Variants in PDZD7 observed in about 807,000 individuals in gnomAD.
PDZD7 encodes the protein PDZ domain containing 7.
Under a neutral mutation model 84.7 loss-of-function variants are expected in PDZD7, and 72 were observed. That is an observed-to-expected ratio of 0.85 (90% CI 0.70 to 1.03). The LOEUF (loss-of-function observed/expected upper bound fraction) is 1.03. Ranked by LOEUF, PDZD7 falls within the 50% of genes least tolerant of loss-of-function variation. PDZD7 has a pLI of 0.00. For synonymous variants in PDZD7, 594 were observed against 580.7 expected (o/e 1.02, Z -0.33); for missense variants, 1,490 against 1,412.9 (o/e 1.05, Z -0.87).
At chr10:101,018,691 C>T (rs1332741821) in intron 8 of PDZD7, 131 bp downstream of exon 8, 1 of 1,232,408 alleles carries the variant, frequency 8.1e-7, no homozygotes, top group Non-Finnish European at 1.1e-6. Flanking sequence ...TCTGAGCAGC[C>T]TGGAGCTTGG....
intron 9 of PDZD7, 183 bp downstream of exon 9, chr10:101,017,916 A>G (rs546917721): frequency 2.3e-5 from 11 of 471,544 alleles, no homozygotes; most frequent in African/African-American, 4.3e-5. Flanking sequence ...AAGAAAGAAA[A>G]GAAAGAAAGA....
intron 7 of PDZD7, among the ~76,000 whole-genome samples, chr10:101,020,217 C>T (rs1260060393): frequency 1.3e-5 from 2 of 152,252 alleles, no homozygotes; most frequent in Admixed American, 6.5e-5. Context: ...AAGCAATTCT[C>T]CTGCCTCAGG....
intron 7 of PDZD7, among the ~76,000 whole-genome samples, chr10:101,020,179 C>T (rs993038073): frequency 1.3e-5 from 2 of 152,112 alleles, no homozygotes; most frequent in East Asian, 3.9e-4. Context: ...GGCATCTCTG[C>T]TCACTGCAAC....
At chr10:101,024,962 G>T (rs759744676) in intron 2 of PDZD7, among the ~76,000 whole-genome samples, 7 of 151,900 alleles carry the variant, frequency 4.6e-5, no homozygotes, top group Admixed American at 6.6e-5. Context: ...AGACAAGAAG[G>T]TTCAGGATTC....
At chr10:101,014,357 A>G (rs1388683035) in intron 11 of PDZD7, among the ~76,000 whole-genome samples, 1 of 151,868 alleles carries the variant, frequency 6.6e-6, no homozygotes, top group African/African-American at 2.4e-5. Context: ...GTGGTGGTTG[A>G]GCTCGGCAGG....
intron 10 of PDZD7, 139 bp downstream of exon 10, chr10:101,016,238 C>T: frequency 5.8e-6 from 5 of 864,436 alleles, no homozygotes; most frequent in Non-Finnish European, 9.4e-6. Context: ...GCCCCCAATA[C>T]ATACCATTCT....
chr10:101,016,055 C>T (rs550379917), intron 10 of PDZD7, among the ~76,000 whole-genome samples: 27 of 152,298 alleles, frequency 1.8e-4, no homozygotes, highest in African/African-American at 6.5e-4. Context: ...GCCCCCAGGG[C>T]CCCCTGAACA....
Position 101,009,340 on chromosome 10 carries a change from A to T in PDZD7, c.2628T>A (p.Ile876=), listed in dbSNP as rs1310854790. The T allele has an allele frequency of 6.5e-7, 1 of 1,535,894 alleles. No homozygotes were observed. Among genetic ancestry groups the T allele is most frequent in the South Asian group, 1.2e-5 (1 of 84,058 alleles). The change falls in exon 16 of 17, where the codon ATT becomes ATA. Residue 876 remains isoleucine (I), a synonymous_variant. Transcript: ENST00000619208. The part of the protein sequence containing the change: ...SKMKQSLGIS[I]SGGIESKVQP... Reference sequence around the variant, plus strand: ...GCACCTTGGACTCAATGCCCCCAGAAATGCTGATACCTAGTGACAGGGAGA... The same window carrying T: ...GCACCTTGGACTCAATGCCCCCAGATATGCTGATACCTAGTGACAGGGAGA...
At chr10:101,028,103 T>C (rs1937824910) in intron 2 of PDZD7, among the ~76,000 whole-genome samples, 1 of 152,180 alleles carries the variant, frequency 6.6e-6, no homozygotes, top group Non-Finnish European at 1.5e-5. Flanking sequence ...ACTTGGGAGA[T>C]ACCTGTTCTC....
intron 2 of PDZD7, among the ~76,000 whole-genome samples, chr10:101,028,932 AT>A (rs1434091523): frequency 1.3e-5 from 2 of 152,194 alleles, no homozygotes; most frequent in Non-Finnish European, 2.9e-5. Context: ...CCTGAGCAAC[AT>A]GCCCCACCCT....
intron 11 of PDZD7, 139 bp from the exon 12 acceptor site, chr10:101,012,397 C>G: frequency 1.4e-6 from 1 of 731,978 alleles, no homozygotes; most frequent in South Asian, 1.6e-5. Flanking sequence ...AGGTTCACTC[C>G]ACCCCCAGCT....
rs796863076 is a variant in PDZD7, at chr10:101,023,330, C to T, written c.542+106G>A. Reference sequence around the variant, plus strand: ...GGATCCCCTGCGTTTCCTGAGCCAGCGAGCAGGAGGAACAGAAGCCTCTCC... The same window carrying T: ...GGATCCCCTGCGTTTCCTGAGCCAGTGAGCAGGAGGAACAGAAGCCTCTCC... On this transcript the variant is annotated intron_variant, in intron 4 of 16. Transcript: ENST00000619208. The T allele has an allele frequency of 1.0e-4, 144 of 1,399,512 alleles. 1 individual carries two copies. The highest frequency in any genetic ancestry group is 7.2e-4 in the African/African-American group (51 of 70,352). 86.7% of individuals were successfully genotyped at this position (1,399,512 alleles called of 1,614,324 possible).
chr10:101,016,741 G>A lies in PDZD7; in HGVS notation c.1523-314C>T, dbSNP rs551327431. 2.6e-5 allele frequency among the ~76,000 whole-genome samples: 4 copies of A among 152,280 alleles called. No homozygotes were observed. In the South Asian group the frequency reaches 8.3e-4, roughly 32 times the overall value. On this transcript the variant is annotated intron_variant, in intron 9 of 16. Coordinates refer to ENST00000619208, the MANE Select transcript of PDZD7 (RefSeq NM_001195263.2). ...AGCTTGGAGAAGTACCTACCTTCAGGGGACAGAGGGAAAAAGAGGAGCCTT... is the reference window on the plus strand; with the variant it reads ...AGCTTGGAGAAGTACCTACCTTCAGAGGACAGAGGGAAAAAGAGGAGCCTT...
chr10:101,030,578 T>C (rs1938080253), intron 1 of PDZD7, 194 bp from the exon 2 acceptor site: 1 of 444,240 alleles, frequency 2.3e-6, no homozygotes, highest in African/African-American at 2.0e-5. Context: ...ACAAGGCAGG[T>C]GGGAACCTTT....
chr10:101,011,707 A>AGGTGACGCTTGGGTG lies in PDZD7; in HGVS notation c.1973_1987dup (p.Pro658_His662dup). 1 of 1,540,796 alleles carries AGGTGACGCTTGGGTG rather than the reference A, an allele frequency of 6.5e-7. No homozygotes were observed. Among genetic ancestry groups the AGGTGACGCTTGGGTG allele is most frequent in the Non-Finnish European group, 8.7e-7 (1 of 1,146,826 alleles). ...TGACTGACCAGGCACGGGGGTGATAAGGTGACGCTTGGGTGGCGTGTCCTG... is the reference window on the plus strand; with the variant it reads ...TGACTGACCAGGCACGGGGGTGATAAGGTGACGCTTGGGTGGGTGACGCTTGGGTGGCGTGTCCTG... On this transcript the variant is annotated inframe_insertion, in exon 14 of 17. Coordinates refer to ENST00000619208, the MANE Select transcript of PDZD7 (RefSeq NM_001195263.2).
rs372004783 is a variant in PDZD7, at chr10:101,023,439, G to A, written c.539C>T (p.Thr180Met). 2.3e-4 allele frequency: 375 copies of A among 1,613,962 alleles called. No individual in the cohort carries two copies. Among genetic ancestry groups the A allele is most frequent in the Non-Finnish European group, 3.0e-4 (354 of 1,180,026 alleles). The change falls in exon 4 of 17, where the codon ACG becomes ATG. Residue 180 changes from threonine (T) to methionine (M), a missense_variant. Coordinates refer to ENST00000619208, the MANE Select transcript of PDZD7 (RefSeq NM_001195263.2). ...GGATGAGGGAGTTGCTGCTCACCAC[G>A]TGGTCTTCTCCTTGGAGAACTTGAT... ...PGIKFSKEKT[T>M]WVDVVNRRLV...
intron 2 of PDZD7, among the ~76,000 whole-genome samples, chr10:101,029,196 G>A (rs1937899827): frequency 6.6e-6 from 1 of 152,302 alleles, no homozygotes; most frequent in South Asian, 2.1e-4. Context: ...CTACAGCCAG[G>A]CTGGCTCCTA....
rs1852631194 is a variant in PDZD7, at chr10:101,016,414, G to T, written c.1536C>A (p.Gly512=). Reference sequence around the variant, plus strand: ...TCCAGGTGACAAACTTCTGTACCGGGCCCACGCCCCCTGCTATGAAGAAGA... The same window carrying T: ...TCCAGGTGACAAACTTCTGTACCGGTCCCACGCCCCCTGCTATGAAGAAGA... The part of the protein sequence containing the change: ...RLDIEKAGGV[G]PVQKFVTWRL... Residue 512 remains glycine, a synonymous_variant, in exon 10 of 17, where the codon GGC becomes GGA. Coordinates refer to ENST00000619208, the MANE Select transcript of PDZD7 (RefSeq NM_001195263.2). 1 of 1,550,670 alleles carries T rather than the reference G, an allele frequency of 6.4e-7. No individual in the cohort carries two copies. Among genetic ancestry groups the T allele is most frequent in the Non-Finnish European group, 8.7e-7 (1 of 1,147,014 alleles).
intron 10 of PDZD7, 134 bp downstream of exon 10, chr10:101,016,243 C>T: frequency 2.2e-6 from 2 of 899,192 alleles, no homozygotes; most frequent in South Asian, 2.8e-5. Context: ...CAATACATAC[C>T]ATTCTAGCTG....
Sources: gnomAD v4.1 joint callset for allele counts (sites outside exome capture counted in the v4.1 genomes callset) on GRCh38, gnomAD v4.1.1 for gene constraint, MANE v1.5 for transcripts, NCBI Gene and HGNC (gene_info 2026-07-23, HGNC 2026-07-21) for gene names.